Variants in C16orf46 observed in about 807,000 individuals in gnomAD.
C16orf46 encodes uncharacterized protein C16orf46.
Under a neutral mutation model 5.5 loss-of-function variants are expected in C16orf46, and 7 were observed. That is an observed-to-expected ratio of 1.28 (90% CI 0.73 to 2.40). The LOEUF is 2.40. Ranked by LOEUF, C16orf46 falls within the 30% of genes most tolerant of loss-of-function variation. The probability of loss-of-function intolerance (pLI) is 0.00; values close to 1 mark genes in which losing one functional copy is unlikely to be tolerated. For missense variants in C16orf46, 614 were observed against 476.0 expected (o/e 1.29, Z -2.70); for synonymous variants, 200 against 184.1 (o/e 1.09, Z -0.70).
exon 4 of C16orf46, chr16:81,054,080 C>A (rs746358505): frequency 3.1e-6 from 5 of 1,612,602 alleles, no homozygotes; most frequent in Non-Finnish European, 4.2e-6. Flanking sequence ...CCTACTTTAT[C>A]TTCTTTTTCC....
At position 81,061,251 on chromosome 16, in the gene C16orf46, C is replaced by T. The variant is rs1427016111; in HGVS notation, c.1098G>A (p.Met366Ile). Residue 366 changes from methionine to isoleucine, a missense_variant, in exon 4 of 4, where the codon ATG (methionine) becomes ATA (isoleucine). By Grantham distance (10) the Met-to-Ile change is conservative. Coordinates refer to ENST00000299578, the MANE Select transcript of C16orf46 (RefSeq NM_152337.3). ...PKAKQENRPQMLETKVFPRPV... is the reference protein window; with the variant it reads ...PKAKQENRPQILETKVFPRPV... ...GTCTTGGGAAAACTTTGGTCTCCAG[C>T]ATTTGGGGCCTGTTTTCCTGCTTGG... is the stretch of plus-strand genomic sequence containing the variant. 4.3e-6 allele frequency: 7 copies of T among 1,613,998 alleles called. No individual in the cohort carries two copies. The highest frequency in any genetic ancestry group is 5.9e-6 in the Non-Finnish European group (7 of 1,180,038).
chr16:81,072,663 C>T (rs533443179), intron 1 of C16orf46, among the ~76,000 whole-genome samples: 3 of 151,598 alleles, frequency 2.0e-5, no homozygotes, highest in East Asian at 2.0e-4. Context: ...GGATTATAGG[C>T]GTGAGCCACC....
intron 3 of C16orf46, 23 bp downstream of exon 3, chr16:81,063,723 C>A: frequency 6.3e-7 from 1 of 1,585,962 alleles, no homozygotes; most frequent in Non-Finnish European, 8.6e-7. Flanking sequence ...GACAGAAAAG[C>A]TGTGACTCAG....
At position 81,063,898 on chromosome 16, in the gene C16orf46, G is replaced by A. The variant is rs928313292; in HGVS notation, c.58C>T (p.Gln20Ter). The A allele has an allele frequency of 6.8e-6, 11 of 1,613,352 alleles. No individual in the cohort carries two copies. In the African/African-American group the frequency reaches 1.3e-4, roughly 20 times the overall value. The change falls in exon 3 of 4, where the codon CAG becomes TAG. Residue 20 changes from glutamine (Q) to a stop codon, truncating the protein, a stop_gained. Coordinates refer to ENST00000299578, the MANE Select transcript of C16orf46 (RefSeq NM_152337.3). LOFTEE classifies it high-confidence loss of function. ...DLENAENNEI[Q>*]FTEETEPTYT... ...GTTGGTTCTGTTTCTTCTGTGAACTGAATTTCATTATTTTCAGCATTTTCT... is the reference window on the plus strand; with the variant it reads ...GTTGGTTCTGTTTCTTCTGTGAACTAAATTTCATTATTTTCAGCATTTTCT...
chr16:81,068,311 T>C (rs1285243906), intron 1 of C16orf46, among the ~76,000 whole-genome samples: 3 of 152,206 alleles, frequency 2.0e-5, no homozygotes, highest in Non-Finnish European at 2.9e-5. Context: ...CAAAAGGACA[T>C]GTTTTCTGTT....
chr16:81,064,581 C>T (rs1971593028), intron 2 of C16orf46, among the ~76,000 whole-genome samples: 1 of 151,716 alleles, frequency 6.6e-6, no homozygotes, highest in African/African-American at 2.4e-5. Context: ...AACCCCATCT[C>T]TACCAAAAAT....
At chr16:81,056,719 C>CA (rs1287280769), downstream of C16orf46, among the ~76,000 whole-genome samples, 3 of 134,180 alleles carry the variant, frequency 2.2e-5, no homozygotes, top group Non-Finnish European at 4.7e-5. Flanking sequence ...AAAAAAAAAG[C>CA]AGACTTATGG....
chr16:81,076,349 G>A (rs1413804763), intron 1 of C16orf46: 1 of 152,108 alleles, frequency 6.6e-6, no homozygotes, highest in African/African-American at 2.4e-5. Context: ...TGCACAATTT[G>A]TTCATATTTC....
intron 1 of C16orf46, among the ~76,000 whole-genome samples, chr16:81,066,720 T>G (rs1259083846): frequency 2.6e-5 from 4 of 152,224 alleles, no homozygotes; most frequent in Admixed American, 2.0e-4. Context: ...GACTTACACA[T>G]TTGACGTAAA....
At chr16:81,060,872 C>G (rs966811585), downstream of C16orf46, 1 of 698,778 alleles carries the variant, frequency 1.4e-6, no homozygotes, top group Non-Finnish European at 1.9e-6. Flanking sequence ...ATGAAGCAGG[C>G]AGAGGCTGGG....
chr16:81,054,940 GC>G (rs1485805565), intron 3 of C16orf46, among the ~76,000 whole-genome samples: 1 of 152,134 alleles, frequency 6.6e-6, no homozygotes, highest in Non-Finnish European at 1.5e-5. Context: ...GAGCCACCGT[GC>G]CTGGCCAACA....
intron 1 of C16orf46, chr16:81,076,354 T>C (rs1353242529): frequency 6.6e-6 from 1 of 152,172 alleles, no homozygotes; most frequent in Admixed American, 6.6e-5. Flanking sequence ...AATTTGTTCA[T>C]ATTTCCAAGA....
At chr16:81,065,007 C>CT (rs1377407555) in intron 2 of C16orf46, among the ~76,000 whole-genome samples, 2 of 144,356 alleles carry the variant, frequency 1.4e-5, no homozygotes, top group Non-Finnish European at 3.0e-5. Context: ...CCCTATCTAC[C>CT]ATTAATGGAT....
At position 81,061,978 on chromosome 16, in the gene C16orf46, T is replaced by G. The variant is rs766163636; in HGVS notation, c.371A>C (p.Glu124Ala). The change falls in exon 4 of 4, where the codon GAG becomes GCG. Residue 124 changes from glutamate to alanine, a missense_variant. By Grantham distance (107) the Glu-to-Ala change is moderately radical. Transcript: ENST00000299578. ...CTGGGAGGGGCTGCTCTGATCCTTC[T>G]CTGGGCCCCCCTCAGTAGGAGGCTT... ...QTKPPTEGGP[E>A]KDQSSPSQTQ... The G allele has an allele frequency of 1.1e-5, 18 of 1,614,066 alleles. No individual in the cohort carries two copies. The highest frequency in any genetic ancestry group is 1.6e-4 in the Middle Eastern group (1 of 6,084).
chr16:81,074,214 A>C (rs1313479544), intron 1 of C16orf46, among the ~76,000 whole-genome samples: 2 of 152,190 alleles, frequency 1.3e-5, no homozygotes, highest in Non-Finnish European at 2.9e-5. Flanking sequence ...CATCATCTTA[A>C]GAATGCAAAA....
intron 1 of C16orf46, among the ~76,000 whole-genome samples, chr16:81,073,510 T>C (rs1365825134): frequency 3.3e-5 from 5 of 152,178 alleles, no homozygotes; most frequent in Non-Finnish European, 7.3e-5. Context: ...CCTGGATGAA[T>C]AGGATGAAAT....
chr16:81,063,219 G>C (rs1453738680), intron 3 of C16orf46, among the ~76,000 whole-genome samples: 5 of 149,612 alleles, frequency 3.3e-5, no homozygotes, highest in Non-Finnish European at 5.9e-5. Flanking sequence ...CTCCAGCCTG[G>C]GCGACAGAAA....
Position 81,061,936 on chromosome 16 carries a change from TG to T in C16orf46, c.412del (p.Gln138ArgfsTer66), listed in dbSNP as rs1567574033. On this transcript the variant is annotated frameshift_variant, in exon 4 of 4. Transcript: ENST00000299578. LOFTEE classifies it low-confidence loss of function (END_TRUNC). The stretch of plus-strand genomic sequence containing the variant: ...TGCCCTGGAAGCAGTGCTGGGGCCC[TG>T]GGGGGCTGCCTGAGTCTGGGAGGGG... Reference protein sequence around the residue: ...SSPSQTQAAPQGPSTASRAIS... With the variant: ...SSPSQTQAAPXGPSTASRAIS... 6.2e-7 allele frequency: 1 copy of T among 1,614,188 alleles called. No homozygotes were observed. The highest frequency in any genetic ancestry group is 8.5e-7 in the Non-Finnish European group (1 of 1,180,022).
At chr16:81,069,793 A>G (rs1436711795) in intron 1 of C16orf46, 1 of 152,224 alleles carries the variant, frequency 6.6e-6, no homozygotes, top group Non-Finnish European at 1.5e-5. Flanking sequence ...AGATTTTAGG[A>G]AGATAAGACT....
Sources: allele counts gnomAD v4.1 joint callset (sites outside exome capture counted in the v4.1 genomes callset), GRCh38; gene constraint gnomAD v4.1.1; transcripts MANE v1.5; gene names NCBI Gene and HGNC (gene_info 2026-07-23, HGNC 2026-07-21).